Variants in DNAH11 observed in about 807,000 individuals in gnomAD.
The protein encoded by DNAH11 is axonemal beta dynein heavy chain 11.
In DNAH11, 442 loss-of-function variants were observed where a neutral mutation model predicts 526.0. The observed-to-expected ratio is 0.84, with a 90% CI of 0.78 to 0.91. The LOEUF is 0.91. DNAH11 is among the 40% of genes least tolerant of loss of function. The pLI is 0.00. For synonymous variants in DNAH11, 2,461 were observed against 1,935.9 expected (o/e 1.27, Z -7.12); for missense variants, 6,989 against 5,448.7 (o/e 1.28, Z -8.90).
In DNAH11 at chr7:21,887,508, G is replaced by C. The variant is rs111325349; in HGVS notation, c.12507+3098G>C. ...GACAAAAAACACCTGGGTTCACACT[G>C]AAGTACCTCTATGTATTTGCCGTAT... On this transcript the variant is annotated intron_variant, in intron 76 of 81. Transcript: ENST00000409508. Among the ~76,000 whole-genome samples, 325 of 152,238 alleles carry C rather than the reference G, an allele frequency of 2.1e-3. 2 individuals carry two copies. Among genetic ancestry groups the C allele is most frequent in the African/African-American group, 7.6e-3 (317 of 41,544 alleles).
chr7:21,797,978 A>G (rs914202546), intron 61 of DNAH11, among the ~76,000 whole-genome samples: 4 of 152,196 alleles, frequency 2.6e-5, no homozygotes, highest in African/African-American at 9.7e-5. Context: ...ACACCTACCT[A>G]TGAAGTAGGT....
intron 40 of DNAH11, among the ~76,000 whole-genome samples, chr7:21,709,185 A>G (rs1397586643): frequency 6.6e-6 from 1 of 152,240 alleles, no homozygotes; most frequent in Non-Finnish European, 1.5e-5. Context: ...CTAAGTGCCC[A>G]TTAATGGTGG....
chr7:21,562,108 G>T (rs1322688444), intron 5 of DNAH11, among the ~76,000 whole-genome samples: 2 of 152,150 alleles, frequency 1.3e-5, no homozygotes, highest in African/African-American at 4.8e-5. Flanking sequence ...TAAGCCTCTG[G>T]TTTTTCATTG....
intron 43 of DNAH11, among the ~76,000 whole-genome samples, chr7:21,720,399 T>A (rs1416594761): frequency 6.6e-6 from 1 of 151,990 alleles, no homozygotes; most frequent in East Asian, 1.9e-4. Context: ...GAAAATGATT[T>A]CCTATTTATA....
At chr7:21,733,743 C>A (rs1276277978) in intron 45 of DNAH11, among the ~76,000 whole-genome samples, 4 of 152,098 alleles carry the variant, frequency 2.6e-5, no homozygotes, top group African/African-American at 4.8e-5. Context: ...ATAGCAAATA[C>A]AATATTATGC....
chr7:21,672,033 C>G (rs1782661448), intron 30 of DNAH11, among the ~76,000 whole-genome samples: 1 of 152,180 alleles, frequency 6.6e-6, no homozygotes, highest in Non-Finnish European at 1.5e-5. Context: ...GTTTTAAGAG[C>G]ATGGGACTTG....
At chr7:21,638,767 T>C (rs1786985717) in intron 27 of DNAH11, among the ~76,000 whole-genome samples, 172 bp from the exon 28 acceptor site, 1 of 151,800 alleles carries the variant, frequency 6.6e-6, no homozygotes, top group Admixed American at 6.6e-5. Context: ...TGGCATAATG[T>C]ATATTAGTCA....
chr7:21,748,544 C>T (rs756866695), intron 51 of DNAH11, 36 bp from the exon 52 acceptor site: 14 of 1,435,568 alleles, frequency 9.8e-6, no homozygotes, highest in Admixed American at 4.9e-5. Flanking sequence ...GGGGCATTTT[C>T]GATTTTGTGC....
chr7:21,610,434 C>G (rs986587650), intron 20 of DNAH11, among the ~76,000 whole-genome samples: 1 of 152,034 alleles, frequency 6.6e-6, no homozygotes, highest in Non-Finnish European at 1.5e-5. Flanking sequence ...TAAATCATCT[C>G]TGGAAAAAAG....
chr7:21,626,870 C>G (rs1786364500), intron 25 of DNAH11, among the ~76,000 whole-genome samples: 2 of 151,012 alleles, frequency 1.3e-5, no homozygotes, highest in South Asian at 4.2e-4. Context: ...TCTGCCTCAG[C>G]CTCCCAAGTA....
intron 45 of DNAH11, among the ~76,000 whole-genome samples, chr7:21,727,241 C>T (rs1378170692): frequency 6.6e-6 from 1 of 152,004 alleles, no homozygotes; most frequent in Non-Finnish European, 1.5e-5. Context: ...CCTCTGCATC[C>T]TCTTTTTAAA....
At chr7:21,813,805 A>C (rs972120581) in intron 63 of DNAH11, among the ~76,000 whole-genome samples, 6 of 152,202 alleles carry the variant, frequency 3.9e-5, no homozygotes, top group Non-Finnish European at 8.8e-5. Flanking sequence ...CTGACTCTAG[A>C]AGCAGACTTT....
intron 8 of DNAH11, among the ~76,000 whole-genome samples, chr7:21,576,735 T>C (rs1258801789): frequency 6.6e-6 from 1 of 152,184 alleles, no homozygotes; most frequent in East Asian, 1.9e-4. Context: ...AAAGACAGAA[T>C]TCTTAAGTGT....
chr7:21,822,610 C>G (rs1011990985), intron 65 of DNAH11, among the ~76,000 whole-genome samples: 1 of 152,166 alleles, frequency 6.6e-6, no homozygotes, highest in Non-Finnish European at 1.5e-5. Context: ...GATACTTTTG[C>G]AATATACTGA....
intron 20 of DNAH11, among the ~76,000 whole-genome samples, chr7:21,607,936 CAAAAAAAA>C (rs34293535): frequency 3.2e-3 from 223 of 68,674 alleles, no homozygotes; most frequent in Middle Eastern, 0.015. Context: ...GACTTCATCT[CAAAAAAAA>C]AAAAAAAAAA....
chr7:21,843,566 C>T (rs11976836), intron 66 of DNAH11, among the ~76,000 whole-genome samples: 11,969 of 151,112 alleles, frequency 0.079, 1,612 homozygotes, highest in African/African-American at 0.27. Flanking sequence ...CTGCAACCTC[C>T]GCCTCCTGGG....
At position 21,779,382 on chromosome 7, in the gene DNAH11, T is replaced by C. The variant is rs2285684; in HGVS notation, c.9483+278T>C. Among the ~76,000 whole-genome samples the C allele has an allele frequency of 0.73, 111,120 of 152,040 alleles. 41,064 individuals carry two copies. The highest frequency in any genetic ancestry group is 0.84 in the East Asian group (4,346 of 5,172). On this transcript the variant is annotated intron_variant, in intron 57 of 81. Coordinates refer to ENST00000409508, the MANE Select transcript of DNAH11 (RefSeq NM_001277115.2). The stretch of plus-strand genomic sequence containing the variant: ...GGATGTGGATCTTGAACATCAGGCC[T>C]ATTTGTAATACAGTAAAGGTCAGGA...
At chr7:21,671,367 A>C (rs1281295446) in intron 30 of DNAH11, among the ~76,000 whole-genome samples, 4 of 152,166 alleles carry the variant, frequency 2.6e-5, no homozygotes, top group Admixed American at 2.0e-4. Context: ...ATGGCCTACA[A>C]ATCCAAAAAT....
chr7:21,887,472 T>TA (rs1288298265), intron 76 of DNAH11, among the ~76,000 whole-genome samples: 42 of 152,224 alleles, frequency 2.8e-4, no homozygotes, highest in African/African-American at 9.6e-4. Flanking sequence ...GGGTTTGAAG[T>TA]AAAAAACAAA....
Sources: gnomAD v4.1 joint callset for allele counts (sites outside exome capture counted in the v4.1 genomes callset) on GRCh38, gnomAD v4.1.1 for gene constraint, MANE v1.5 for transcripts, NCBI Gene and HGNC (gene_info 2026-07-23, HGNC 2026-07-21) for gene names.